PCGF3: variants seen among roughly 807,000 people sequenced by gnomAD.
The protein encoded by PCGF3 is polycomb group RING finger protein 3.
Under a neutral mutation model 33.1 loss-of-function variants are expected in PCGF3, and 7 were observed. The ratio of observed to expected loss-of-function variants is 0.21; its 90% CI spans 0.12 to 0.40. The LOEUF is 0.40. Ranked by LOEUF, PCGF3 falls within the 10% of genes least tolerant of loss-of-function variation. The probability of loss-of-function intolerance (pLI) is 1.00; values close to 1 mark genes in which losing one functional copy is unlikely to be tolerated. For synonymous variants in PCGF3, 153 were observed against 121.3 expected (o/e 1.26, Z -1.72); for missense variants, 211 against 313.3 (o/e 0.67, Z 2.46).
chr4:735,075 G>C lies in PCGF3; in HGVS notation c.206+48G>C, dbSNP rs554261090. Reference sequence around the variant, plus strand: ...CACAGTACGTGGGGTGAGTGCCCCTGGGCGTCTCTGTGTGTGGGCCTTCCC... The same window carrying C: ...CACAGTACGTGGGGTGAGTGCCCCTCGGCGTCTCTGTGTGTGGGCCTTCCC... On this transcript the variant is annotated intron_variant, in intron 5 of 10. Transcript: ENST00000362003. 1.5e-5 allele frequency: 23 copies of C among 1,577,408 alleles called. 1 individual carries two copies. In the South Asian group the frequency reaches 2.3e-4, roughly 16 times the overall value.
intron 1 of PCGF3, among the ~76,000 whole-genome samples, chr4:709,578 A>G (rs554724093): frequency 5.6e-4 from 86 of 152,386 alleles, no homozygotes; most frequent in Middle Eastern, 3.4e-3. Flanking sequence ...GAACAAATGA[A>G]TGAAAGGCAG....
intron 1 of PCGF3, among the ~76,000 whole-genome samples, chr4:716,466 G>A (rs545340499): frequency 1.5e-5 from 2 of 135,946 alleles, no homozygotes. Context: ...GACACTGCGA[G>A]TGTGAGAACT....
chr4:767,107 TC>T (rs1745416124), exon 11 of PCGF3: 1 of 152,282 alleles, frequency 6.6e-6, no homozygotes. Context: ...GCTCGTGTGC[TC>T]CTTGGCCGCT....
intron 1 of PCGF3, among the ~76,000 whole-genome samples, chr4:715,423 C>G (rs1421718373): frequency 6.9e-6 from 1 of 145,334 alleles, no homozygotes; most frequent in Non-Finnish European, 1.5e-5. Flanking sequence ...AGTGTGAGCA[C>G]TGGGCGTCGG....
chr4:769,605 CGTGGCCAA>C (rs1745534898), exon 11 of PCGF3: 1 of 152,656 alleles, frequency 6.6e-6, no homozygotes, highest in South Asian at 2.1e-4. Context: ...GCAATGGCCA[CGTGGCCAA>C]GGCCCTGCAG....
At chr4:769,488 A>C (rs1745528101) in exon 11 of PCGF3, 1 of 152,738 alleles carries the variant, frequency 6.5e-6, no homozygotes. Flanking sequence ...CATGACCTTA[A>C]CATGATCAAT....
chr4:743,794 G>C (rs893704850), intron 7 of PCGF3: 78 of 478,892 alleles, frequency 1.6e-4, no homozygotes, highest in African/African-American at 1.4e-3. Context: ...AGCCAGCAGG[G>C]GAGAGCAGGA....
intron 8 of PCGF3, among the ~76,000 whole-genome samples, chr4:749,476 CTTTTTTTTTTTT>C (rs71640348): frequency 1.3e-5 from 1 of 75,494 alleles, no homozygotes; most frequent in Non-Finnish European, 2.3e-5. Flanking sequence ...ATTTTCTTTC[CTTTTTTTTTTTT>C]TTTTTTTTTT....
At chr4:741,743 T>C (rs564343824) in intron 6 of PCGF3, among the ~76,000 whole-genome samples, 1 of 152,280 alleles carries the variant, frequency 6.6e-6, no homozygotes, top group African/African-American at 2.4e-5. Flanking sequence ...CACCTGACAC[T>C]GAGTGCTGCT....
intron 8 of PCGF3, among the ~76,000 whole-genome samples, chr4:747,749 C>T (rs1482582091): frequency 6.6e-6 from 1 of 152,138 alleles, no homozygotes; most frequent in Non-Finnish European, 1.5e-5. Context: ...TGTATTAGTG[C>T]TCCTGTAATA....
At chr4:748,292 T>G (rs996119754) in intron 8 of PCGF3, among the ~76,000 whole-genome samples, 21 of 151,972 alleles carry the variant, frequency 1.4e-4, no homozygotes, top group African/African-American at 4.8e-4. Flanking sequence ...CTCTGCCTCC[T>G]GGGTTCAAGC....
chr4:714,142 C>T (rs573711159), intron 1 of PCGF3, among the ~76,000 whole-genome samples: 5 of 152,270 alleles, frequency 3.3e-5, no homozygotes, highest in Admixed American at 1.3e-4. Context: ...GAAGGCACTG[C>T]CTGTGAGGAC....
chr4:723,437 G>C (rs1194616223), intron 1 of PCGF3, among the ~76,000 whole-genome samples: 4 of 152,204 alleles, frequency 2.6e-5, no homozygotes, highest in Non-Finnish European at 2.9e-5. Flanking sequence ...TGACCAGAGT[G>C]GGGTGCCCAG....
At chr4:710,556 G>C (rs966675733) in intron 1 of PCGF3, among the ~76,000 whole-genome samples, 2 of 152,232 alleles carry the variant, frequency 1.3e-5, no homozygotes, top group Non-Finnish European at 2.9e-5. Context: ...GTAAATCAGC[G>C]ATTGCGTGTG....
chr4:733,841 T>G (rs767173772), intron 4 of PCGF3, 52 bp downstream of exon 4: 1 of 1,613,222 alleles, frequency 6.2e-7, no homozygotes, highest in Non-Finnish European at 8.5e-7. Flanking sequence ...CCCAGCTCTG[T>G]GCTCTTCAGA....
At position 733,799 on chromosome 4, in the gene PCGF3, C is replaced by A; in HGVS notation, c.109+10C>A. 6.2e-7 allele frequency: 1 copy of A among 1,613,740 alleles called. No homozygotes were observed. The highest frequency in any genetic ancestry group is 8.5e-7 in the Non-Finnish European group (1 of 1,180,006). On this transcript the variant is annotated intron_variant, in intron 4 of 10. Coordinates refer to ENST00000362003, the Ensembl canonical transcript of PCGF3. Reference sequence around the variant, plus strand: ...GAGTGTCTGCACACCTGTACGTGCCCTGCCCGCGCCACCCAGGGAGGGCGC... The same window carrying A: ...GAGTGTCTGCACACCTGTACGTGCCATGCCCGCGCCACCCAGGGAGGGCGC...
chr4:713,167 C>T (rs1298675422), intron 1 of PCGF3, among the ~76,000 whole-genome samples: 1 of 146,442 alleles, frequency 6.8e-6, no homozygotes, highest in African/African-American at 2.6e-5. Context: ...TCCTGTGTGG[C>T]GTCATGGGGG....
chr4:741,534 G>C (rs1313453222), intron 6 of PCGF3, among the ~76,000 whole-genome samples: 1 of 152,192 alleles, frequency 6.6e-6, no homozygotes, highest in Admixed American at 6.5e-5. Flanking sequence ...AGCCTCCTGA[G>C]TAGCTGGGAT....
chr4:722,400 G>T, intron 1 of PCGF3: 2 of 198,570 alleles, frequency 1.0e-5, no homozygotes, highest in South Asian at 6.8e-5. Context: ...CCAGGCAGCG[G>T]CGTGGCTGGC....
Sources: gnomAD v4.1 joint callset for allele counts (sites outside exome capture counted in the v4.1 genomes callset) on GRCh38, gnomAD v4.1.1 for gene constraint, MANE v1.5 for transcripts, NCBI Gene and HGNC (gene_info 2026-07-23, HGNC 2026-07-21) for gene names.